Variants in NFIB observed in about 807,000 individuals in gnomAD.
NFIB encodes the protein nuclear factor I B.
Under a neutral mutation model 61.5 loss-of-function variants are expected in NFIB, and 11 were observed. The observed-to-expected ratio is 0.18, with a 90% CI of 0.11 to 0.30. The LOEUF (loss-of-function observed/expected upper bound fraction) is 0.30. Ranked by LOEUF, NFIB falls within the 10% of genes least tolerant of loss-of-function variation. The pLI is 1.00. For missense variants in NFIB, 471 were observed against 608.9 expected (o/e 0.77, Z 2.38); for synonymous variants, 260 against 216.5 (o/e 1.20, Z -1.76).
At chr9:14,449,692 G>C in the NFIB span, among the ~76,000 whole-genome samples, 1 of 152,092 alleles carries the variant, frequency 6.6e-6, no homozygotes, top group East Asian at 1.9e-4. Flanking sequence ...CAATTTGGGA[G>C]GCTGAGGCGG....
chr9:14,391,022 C>A (rs1028994964), intron 1 of NFIB, among the ~76,000 whole-genome samples: 11 of 152,142 alleles, frequency 7.2e-5, no homozygotes, highest in Non-Finnish European at 1.5e-4. Flanking sequence ...ACACATTTCA[C>A]ATACAGAAGA....
intron 3 of NFIB, among the ~76,000 whole-genome samples, chr9:14,176,758 C>G (rs2046232013): frequency 6.6e-6 from 1 of 152,054 alleles, no homozygotes; most frequent in African/African-American, 2.4e-5. Flanking sequence ...AAAGTAGTCT[C>G]AAAGTCAGAC....
chr9:14,103,906 G>A lies in NFIB; in HGVS notation c.1467+9093C>T, dbSNP rs559510983. Among the ~76,000 whole-genome samples the A allele has an allele frequency of 2.0e-5, 3 of 151,278 alleles. No homozygotes were observed. In the South Asian group the frequency reaches 6.3e-4, roughly 32 times the overall value. On this transcript the variant is annotated intron_variant, in intron 10 of 10. Coordinates refer to ENST00000380953, the MANE Select transcript of NFIB (RefSeq NM_001190737.2). ...AAGTCATAAATCAGTAAATAAATTA[G>A]AAAGAAAAATAAATATTCTTTTTTT... is the stretch of plus-strand genomic sequence containing the variant.
the NFIB span, among the ~76,000 whole-genome samples, chr9:14,472,277 G>A: frequency 1.3e-5 from 2 of 152,278 alleles, no homozygotes; most frequent in African/African-American, 4.8e-5. Flanking sequence ...TCCAAGTTAT[G>A]GACGAAAGTG....
chr9:14,443,532 C>G, the NFIB span, among the ~76,000 whole-genome samples: 3 of 152,252 alleles, frequency 2.0e-5, no homozygotes, highest in East Asian at 5.8e-4. Flanking sequence ...AACTGCGATG[C>G]CATCCTCAGT....
intron 3 of NFIB, among the ~76,000 whole-genome samples, chr9:14,175,437 G>A (rs2131396322): frequency 6.6e-6 from 1 of 152,126 alleles, no homozygotes; most frequent in African/African-American, 2.4e-5. Context: ...GCCTCCCAAA[G>A]TGCTAGGATT....
intron 1 of NFIB, among the ~76,000 whole-genome samples, chr9:14,377,589 G>C (rs1276108776): frequency 1.3e-5 from 2 of 152,126 alleles, no homozygotes. Context: ...AGAAGCTTTT[G>C]GTAGGGGAAG....
At chr9:14,150,090 C>T in intron 5 of NFIB, 55 bp downstream of exon 5, 3 of 1,608,402 alleles carry the variant, frequency 1.9e-6, no homozygotes. Context: ...CTATCATCCA[C>T]CTACGAACCT....
the NFIB span, among the ~76,000 whole-genome samples, chr9:14,443,289 A>G: frequency 2.6e-5 from 4 of 151,846 alleles, no homozygotes; most frequent in African/African-American, 9.7e-5. Context: ...CTCAGCTATT[A>G]CTTCCTATAG....
intron 2 of NFIB, among the ~76,000 whole-genome samples, chr9:14,189,067 T>C (rs2047665488): frequency 6.6e-6 from 1 of 152,224 alleles, no homozygotes; most frequent in South Asian, 2.1e-4. Context: ...TCCAAAGTCC[T>C]GAACAGCATT....
upstream of NFIB, among the ~76,000 whole-genome samples, chr9:14,315,726 C>G (rs1458812470): frequency 6.6e-6 from 1 of 151,782 alleles, no homozygotes; most frequent in African/African-American, 2.4e-5. Context: ...GCCTTGCACC[C>G]TTTCTGCACC....
rs116593772 is a variant in NFIB at position 14,359,263 on chromosome 9, C to T, written c.108+39261G>A. Among the ~76,000 whole-genome samples, 388 of 152,288 alleles carry T rather than the reference C, an allele frequency of 2.5e-3. 3 individuals are homozygous for T. The highest frequency in any genetic ancestry group is 8.6e-3 in the African/African-American group (358 of 41,548). Reference sequence around the variant, plus strand: ...CCTTATTTGAAAAAAGGCCTTTGCACGTGTGACTAGGTTAAGGATCTTGAG... The same window carrying T: ...CCTTATTTGAAAAAAGGCCTTTGCATGTGTGACTAGGTTAAGGATCTTGAG... On this transcript the variant is annotated intron_variant, in intron 1 of 8. Coordinates refer to the NFIB transcript ENST00000380934.
At chr9:14,178,886 T>C (rs560765301) in intron 3 of NFIB, among the ~76,000 whole-genome samples, 3 of 152,240 alleles carry the variant, frequency 2.0e-5, no homozygotes, top group Admixed American at 1.3e-4. Flanking sequence ...TCTGGTTTAT[T>C]TTCAACGAAA....
intron 2 of NFIB, chr9:14,204,823 AAT>A: frequency 4.2e-6 from 2 of 476,194 alleles, no homozygotes; most frequent in Non-Finnish European, 7.8e-6. Flanking sequence ...TGGGACATCT[AAT>A]CCACAGGAAG....
At chr9:14,299,082 T>C (rs192475747) in intron 2 of NFIB, among the ~76,000 whole-genome samples, 8 of 152,356 alleles carry the variant, frequency 5.3e-5, no homozygotes, top group Admixed American at 2.6e-4. Context: ...TAGAGGGGTA[T>C]AGACTTCATA....
rs530630115 is a variant in NFIB at position 14,223,620 on chromosome 9, T to C, written c.563-43840A>G. Among the ~76,000 whole-genome samples, 36 of 152,258 alleles carry C rather than the reference T, an allele frequency of 2.4e-4. No individual in the cohort carries two copies. In the South Asian group the frequency reaches 7.5e-3, roughly 32 times the overall value. ...AATAGGAGATCAATCAAAAGTTAAA[T>C]TTTTTGAGAAATCATGTTTTCCCTC... On this transcript the variant is annotated intron_variant, in intron 2 of 10. Coordinates refer to ENST00000380953, the MANE Select transcript of NFIB (RefSeq NM_001190737.2).
At chr9:14,140,538 A>T (rs988095861) in intron 6 of NFIB, among the ~76,000 whole-genome samples, 1 of 152,222 alleles carries the variant, frequency 6.6e-6, no homozygotes, top group East Asian at 1.9e-4. Context: ...TTCATTTATG[A>T]ATGAAAATAG....
chr9:14,399,314 G>A (rs1469795052), upstream of NFIB, among the ~76,000 whole-genome samples: 2 of 152,148 alleles, frequency 1.3e-5, no homozygotes, highest in South Asian at 2.1e-4. Context: ...AATAGGACAC[G>A]ATGTTATAGG....
chr9:14,239,328 G>C (rs1490576692), intron 2 of NFIB, among the ~76,000 whole-genome samples: 2 of 152,144 alleles, frequency 1.3e-5, no homozygotes, highest in African/African-American at 4.8e-5. Context: ...ACGGTGTAGA[G>C]AGGAAAAGAG....
Sources: allele counts gnomAD v4.1 joint callset (sites outside exome capture counted in the v4.1 genomes callset), GRCh38; gene constraint gnomAD v4.1.1; transcripts MANE v1.5; gene names NCBI Gene and HGNC (gene_info 2026-07-23, HGNC 2026-07-21).